The following ANO3 variants were observed in gnomAD, a reference collection of about 807,000 sequenced individuals.
The protein encoded by ANO3 is anoctamin-3.
Under a neutral mutation model 144.8 loss-of-function variants are expected in ANO3, and 99 were observed. That is an observed-to-expected ratio of 0.68 (90% CI 0.58 to 0.81). The LOEUF is 0.81. Among genes scored for constraint, ANO3 ranks in the 30% least tolerant of loss-of-function variants. ANO3 has a pLI of 0.00. For missense variants in ANO3, 905 were observed against 1,202.2 expected (o/e 0.75, Z 3.66); for synonymous variants, 414 against 392.6 (o/e 1.05, Z -0.64).
At chr11:26,453,830 G>A (rs915866594) in intron 3 of ANO3, among the ~76,000 whole-genome samples, 1 of 152,058 alleles carries the variant, frequency 6.6e-6, no homozygotes, top group South Asian at 2.1e-4. Context: ...ATGGTTGGAA[G>A]TAAAGCACCC....
chr11:26,525,311 T>C (rs996422267), intron 6 of ANO3, among the ~76,000 whole-genome samples: 2 of 152,000 alleles, frequency 1.3e-5, no homozygotes, highest in African/African-American at 4.8e-5. Flanking sequence ...CCTTATATAA[T>C]ATGTAAGAAA....
At chr11:26,365,911 A>G (rs1368123341) in intron 1 of ANO3, among the ~76,000 whole-genome samples, 1 of 150,790 alleles carries the variant, frequency 6.6e-6, no homozygotes, top group Non-Finnish European at 1.5e-5. Flanking sequence ...TGAGTACTTA[A>G]TCCACAGCCT....
At chr11:26,408,911 T>C (rs1367762570) in intron 1 of ANO3, among the ~76,000 whole-genome samples, 52 of 142,176 alleles carry the variant, frequency 3.7e-4, no homozygotes, top group East Asian at 1.1e-3. Context: ...CACTCATAGG[T>C]GGGAATTGAA....
chr11:26,189,115 CT>C (rs1388930850), exon 1 of ANO3: 1 of 804,184 alleles, frequency 1.2e-6, no homozygotes, highest in African/African-American at 1.9e-5. Context: ...TTTCCTATCC[CT>C]TAATTTTAAA....
chr11:26,226,079 T>C (rs1162032399), intron 1 of ANO3, among the ~76,000 whole-genome samples: 1 of 152,092 alleles, frequency 6.6e-6, no homozygotes, highest in Non-Finnish European at 1.5e-5. Context: ...GTATTCCCTA[T>C]ATCCATATTC....
intron 1 of ANO3, among the ~76,000 whole-genome samples, chr11:26,345,470 T>C (rs1485607299): frequency 6.6e-6 from 1 of 152,178 alleles, no homozygotes; most frequent in African/African-American, 2.4e-5. Context: ...GGAGAATGGC[T>C]TGAATCCAGA....
intron 5 of ANO3, among the ~76,000 whole-genome samples, chr11:26,510,365 A>T (rs1170142954): frequency 6.6e-6 from 1 of 151,986 alleles, no homozygotes; most frequent in Non-Finnish European, 1.5e-5. Context: ...TTAACCCAGA[A>T]TATTCCGCCT....
intron 6 of ANO3, among the ~76,000 whole-genome samples, chr11:26,523,241 G>A (rs1862157491): frequency 6.6e-6 from 1 of 152,134 alleles, no homozygotes; most frequent in African/African-American, 2.4e-5. Flanking sequence ...AACACCTGGG[G>A]ATTACACTTC....
At chr11:26,539,846 C>G (rs1187515304) in intron 10 of ANO3, among the ~76,000 whole-genome samples, 1 of 152,140 alleles carries the variant, frequency 6.6e-6, no homozygotes, top group Non-Finnish European at 1.5e-5. Context: ...CCCCTCTATA[C>G]TGGGTATTAT....
intron 14 of ANO3, among the ~76,000 whole-genome samples, chr11:26,588,959 C>T (rs1320872932): frequency 5.3e-5 from 8 of 152,136 alleles, no homozygotes; most frequent in Admixed American, 2.0e-4. Flanking sequence ...CAATAATTTT[C>T]GGCTGTTTTG....
chr11:26,382,726 G>A (rs1856622426), intron 1 of ANO3, among the ~76,000 whole-genome samples: 1 of 151,996 alleles, frequency 6.6e-6, no homozygotes, highest in East Asian at 1.9e-4. Flanking sequence ...CCTCCTTTAG[G>A]ATGTTCCAAG....
chr11:26,277,207 T>C (rs1853577630), intron 1 of ANO3, among the ~76,000 whole-genome samples: 1 of 152,110 alleles, frequency 6.6e-6, no homozygotes. Context: ...ATGAATAACA[T>C]TTTAATAAAA....
intron 1 of ANO3, among the ~76,000 whole-genome samples, chr11:26,409,081 A>G (rs1857367438): frequency 6.6e-6 from 1 of 151,714 alleles, no homozygotes; most frequent in African/African-American, 2.4e-5. Context: ...TACATATGTA[A>G]CAAACCTGCA....
At position 26,537,434 on chromosome 11, in the gene ANO3, A is replaced by G; in HGVS notation, c.1005A>G (p.Ser335=). 1 of 1,614,002 alleles carries G rather than the reference A, an allele frequency of 6.2e-7. No individual in the cohort carries two copies. The highest frequency in any genetic ancestry group is 2.2e-5 in the East Asian group (1 of 44,884). The change falls in exon 10 of 27, where the codon TCA becomes TCG. Residue 335 remains serine (S), a synonymous_variant. Transcript: ENST00000256737. ...TCCGTAAACTTATAAACAATGGCTC[A>G]TACATAGCAGCGTTTCCACCACATG... is the stretch of plus-strand genomic sequence containing the variant. ...VGIRKLINNG[S]YIAAFPPHEG...
chr11:26,613,634 G>C (rs58631362), intron 17 of ANO3, among the ~76,000 whole-genome samples: 23,112 of 152,128 alleles, frequency 0.15, 2,049 homozygotes, highest in East Asian at 0.33. Flanking sequence ...TTATAGGATA[G>C]CATTTGTAGG....
At chr11:26,573,054 C>T (rs2134295020) in intron 14 of ANO3, among the ~76,000 whole-genome samples, 1 of 152,254 alleles carries the variant, frequency 6.6e-6, no homozygotes, top group Non-Finnish European at 1.5e-5. Context: ...ATCTTCCGCA[C>T]ATCAGCGTTT....
chr11:26,536,171 T>G (rs907322017), intron 9 of ANO3, among the ~76,000 whole-genome samples: 14 of 151,528 alleles, frequency 9.2e-5, no homozygotes, highest in African/African-American at 3.4e-4. Context: ...ATACAAAAAT[T>G]AGCCAGGCAC....
chr11:26,243,339 CT>C (rs1030346024), intron 1 of ANO3, among the ~76,000 whole-genome samples: 342 of 147,454 alleles, frequency 2.3e-3, no homozygotes, highest in African/African-American at 7.7e-3. Flanking sequence ...AAAGTAAAGG[CT>C]TTTTTTTTTC....
chr11:26,319,191 GTCTT>G (rs1203208926), intron 1 of ANO3, among the ~76,000 whole-genome samples: 1 of 148,564 alleles, frequency 6.7e-6, no homozygotes, highest in Non-Finnish European at 1.5e-5. Context: ...TAGAGACAGG[GTCTT>G]TCTATGATGC....
Sources: allele counts gnomAD v4.1 joint callset (sites outside exome capture counted in the v4.1 genomes callset), GRCh38; gene constraint gnomAD v4.1.1; transcripts MANE v1.5; gene names NCBI Gene and HGNC (gene_info 2026-07-23, HGNC 2026-07-21).